SUMF1: variants seen among roughly 807,000 people sequenced by gnomAD.
SUMF1 encodes the protein formylglycine-generating enzyme.
A neutral mutation model predicts 47.6 loss-of-function variants in SUMF1; 48 were observed. The ratio of observed to expected loss-of-function variants is 1.01; its 90% CI spans 0.80 to 1.28. SUMF1 has a LOEUF of 1.28. Ranked by LOEUF, SUMF1 falls within the 50% of genes most tolerant of loss-of-function variation. The pLI is 0.00. For synonymous variants in SUMF1, 230 were observed against 192.1 expected, an observed-to-expected ratio of 1.20 and a Z score of -1.63; for missense variants, 571 against 485.4, an observed-to-expected ratio of 1.18 and a Z score of -1.66.
intron 8 of SUMF1, among the ~76,000 whole-genome samples, chr3:4,076,765 C>T (rs990108044): frequency 2.6e-5 from 4 of 151,994 alleles, no homozygotes; most frequent in South Asian, 2.1e-4. Context: ...TTTGGGAGAC[C>T]GAGGCGGGCG....
chr3:4,113,675 A>C (rs1051616491), intron 8 of SUMF1, among the ~76,000 whole-genome samples: 2 of 152,094 alleles, frequency 1.3e-5, no homozygotes, highest in Admixed American at 6.5e-5. Flanking sequence ...GAAAATACTA[A>C]AGGTTTTTTT....
intron 8 of SUMF1, among the ~76,000 whole-genome samples, chr3:4,343,192 A>G (rs1699307384): frequency 6.6e-6 from 1 of 152,260 alleles, no homozygotes; most frequent in African/African-American, 2.4e-5. Flanking sequence ...GAGACTGGAT[A>G]ATACATAAGG....
At chr3:4,076,944 C>T (rs1284905732) in intron 8 of SUMF1, among the ~76,000 whole-genome samples, 3 of 152,070 alleles carry the variant, frequency 2.0e-5, no homozygotes, top group Middle Eastern at 3.4e-3. Flanking sequence ...GCAGAGCTTG[C>T]AGTGAGCCGA....
chr3:4,162,361 C>T (rs945090756), intron 8 of SUMF1, among the ~76,000 whole-genome samples: 2 of 152,126 alleles, frequency 1.3e-5, no homozygotes, highest in African/African-American at 2.4e-5. Context: ...TGGCTCTGAG[C>T]CCAGCACATG....
chr3:4,041,558 T>C (rs1182991533), intron 9 of SUMF1, among the ~76,000 whole-genome samples: 4 of 152,164 alleles, frequency 2.6e-5, no homozygotes, highest in Admixed American at 6.6e-5. Context: ...AAAATTCCCC[T>C]AATACAGCAG....
chr3:4,424,056 A>G (rs1028838185), intron 3 of SUMF1, among the ~76,000 whole-genome samples: 26 of 152,200 alleles, frequency 1.7e-4, no homozygotes, highest in African/African-American at 6.3e-4. Context: ...CTTTATAGCA[A>G]TTGCAGGAAC....
intron 2 of SUMF1, among the ~76,000 whole-genome samples, chr3:4,449,921 G>C (rs1402748301): frequency 6.6e-6 from 1 of 152,130 alleles, no homozygotes; most frequent in South Asian, 2.1e-4. Context: ...AAATTAGGTC[G>C]TTTGTCCCTT....
At chr3:4,240,886 G>A (rs1696522473) in intron 8 of SUMF1, among the ~76,000 whole-genome samples, 1 of 151,838 alleles carries the variant, frequency 6.6e-6, no homozygotes, top group Non-Finnish European at 1.5e-5. Context: ...GAACTGAAGT[G>A]TCAAGTGACC....
At chr3:4,313,614 C>T in intron 8 of SUMF1, 1 of 1,614,032 alleles carries the variant, frequency 6.2e-7, no homozygotes, top group South Asian at 1.1e-5. Context: ...ACTGTGGTGC[C>T]AAATCATGTA....
At chr3:4,415,770 A>G (rs1473581886) in intron 6 of SUMF1, among the ~76,000 whole-genome samples, 1 of 152,110 alleles carries the variant, frequency 6.6e-6, no homozygotes, top group Non-Finnish European at 1.5e-5. Context: ...CCAAGATTAC[A>G]CCACTGCACT....
At chr3:4,435,607 C>A (rs913901579) in intron 3 of SUMF1, among the ~76,000 whole-genome samples, 1 of 152,160 alleles carries the variant, frequency 6.6e-6, no homozygotes, top group Non-Finnish European at 1.5e-5. Context: ...CATCATCAAA[C>A]TGTTGAAGAT....
rs74572717 is a variant in SUMF1, at chr3:4,338,285, G to GA, written c.1014+38044dup. ...TGAGACCCTGTCTCTTTATTAAAAAGAAAAAAAAAAAAGATACTTTAAAGT... is the reference window on the plus strand; with the variant it reads ...TGAGACCCTGTCTCTTTATTAAAAAGAAAAAAAAAAAAAGATACTTTAAAGT... On this transcript the variant is annotated intron_variant and NMD_transcript_variant, in intron 8 of 12. Coordinates refer to the SUMF1 transcript ENST00000448413. Among the ~76,000 whole-genome samples, 987 of 130,656 alleles carry GA rather than the reference G, an allele frequency of 7.6e-3. 5 individuals are homozygous for GA. The highest frequency in any genetic ancestry group is 0.012 in the Non-Finnish European group (687 of 59,690). The allele number at this position is 130,656 out of a possible 152,430, so 85.7% of individuals were successfully genotyped here.
intron 8 of SUMF1, among the ~76,000 whole-genome samples, chr3:4,290,442 G>A (rs1403584961): frequency 6.6e-6 from 1 of 152,156 alleles, no homozygotes; most frequent in African/African-American, 2.4e-5. Context: ...GTAATTAAAT[G>A]GACAAAAGGA....
chr3:4,307,634 C>A (rs757149270), intron 8 of SUMF1, among the ~76,000 whole-genome samples: 1 of 152,192 alleles, frequency 6.6e-6, no homozygotes, highest in African/African-American at 2.4e-5. Flanking sequence ...TCCAGTATAT[C>A]ATTTTGCCGT....
chr3:4,449,009 A>G (rs190484296), intron 3 of SUMF1, among the ~76,000 whole-genome samples: 4 of 152,350 alleles, frequency 2.6e-5, no homozygotes, highest in South Asian at 4.1e-4. Flanking sequence ...AGCTCTACCT[A>G]GCAACACTGT....
intron 8 of SUMF1, among the ~76,000 whole-genome samples, chr3:4,254,373 T>C (rs1696893577): frequency 1.3e-5 from 2 of 151,066 alleles, no homozygotes; most frequent in Non-Finnish European, 3.0e-5. Flanking sequence ...GAAAAAAAAT[T>C]TAGAAGAATG....
At chr3:4,150,716 A>T (rs926166943) in intron 8 of SUMF1, among the ~76,000 whole-genome samples, 7 of 151,752 alleles carry the variant, frequency 4.6e-5, no homozygotes, top group African/African-American at 1.7e-4. Flanking sequence ...AAAAGAAGCA[A>T]CAGTGATACC....
chr3:4,352,608 G>A (rs576557157), intron 8 of SUMF1, among the ~76,000 whole-genome samples: 3 of 152,030 alleles, frequency 2.0e-5, no homozygotes, highest in South Asian at 2.1e-4. Flanking sequence ...GACTTGCACC[G>A]AATACTTGCA....
chr3:4,357,282 C>T (rs145394387), downstream of SUMF1, among the ~76,000 whole-genome samples: 9 of 149,222 alleles, frequency 6.0e-5, no homozygotes, highest in South Asian at 2.1e-4. Flanking sequence ...ACTATGTTTA[C>T]GGTGTTCCAG....
Sources: gnomAD v4.1 joint callset for allele counts (sites outside exome capture counted in the v4.1 genomes callset) on GRCh38, gnomAD v4.1.1 for gene constraint, MANE v1.5 for transcripts, NCBI Gene and HGNC (gene_info 2026-07-23, HGNC 2026-07-21) for gene names.